ACE: variants seen among roughly 807,000 people sequenced by gnomAD.
ACE encodes the protein angiotensin-converting enzyme.
A neutral mutation model predicts 162.3 loss-of-function variants in ACE; 122 were observed. The observed-to-expected ratio is 0.75, with a 90% CI of 0.65 to 0.87. The LOEUF (loss-of-function observed/expected upper bound fraction) is 0.87. Ranked by LOEUF, ACE falls within the 40% of genes least tolerant of loss-of-function variation. ACE has a pLI of 0.00. For synonymous variants in ACE, 796 were observed against 720.6 expected, an observed-to-expected ratio of 1.10 and a Z score of -1.68; for missense variants, 1,799 against 1,735.1, an observed-to-expected ratio of 1.04 and a Z score of -0.65.
At chr17:63,477,779 C>T (rs1172681230) in intron 1 of ACE, 152 bp from the exon 2 acceptor site, 1 of 907,920 alleles carries the variant, frequency 1.1e-6, no homozygotes, top group Non-Finnish European at 1.7e-6. Flanking sequence ...AGCGCGGCTT[C>T]CGCAAACTAA....
At position 63,485,265 on chromosome 17, in the gene ACE, A is replaced by C; in HGVS notation, c.1951A>C (p.Lys651Gln). ...GGTGACTGATGAGGCTGAGGCCAGC[A>C]AGTTTGTGGAGGAATATGACCGGAC... is the stretch of plus-strand genomic sequence containing the variant. ...DLVTDEAEAS[K>Q]FVEEYDRTSQ... is the part of the protein sequence containing the mutation. The change falls in exon 13 of 25, where the codon AAG becomes CAG. Residue 651 changes from lysine to glutamine, a missense_variant. Lys to Gln is a moderately conservative substitution (Grantham distance 53). Coordinates refer to ENST00000290866, the MANE Select transcript of ACE (RefSeq NM_000789.4). 2 of 1,614,030 alleles carry C rather than the reference A, an allele frequency of 1.2e-6. No homozygotes were observed. Among genetic ancestry groups the C allele is most frequent in the Non-Finnish European group, 1.7e-6 (2 of 1,179,998 alleles).
Position 63,477,142 on chromosome 17 carries a change from G to GCCGCTT in ACE, c.53_54insTCCGCT (p.Pro17_Leu18dup). The GCCGCTT allele has an allele frequency of 7.0e-7, 1 of 1,436,450 alleles. No individual in the cohort carries two copies. Among genetic ancestry groups the GCCGCTT allele is most frequent in the South Asian group, 1.4e-5 (1 of 73,906 alleles). The allele number at this position is 1,436,450 out of a possible 1,614,324, so 89.0% of individuals were successfully genotyped here. A position where few individuals can be genotyped will look rare whatever the true frequency, so the allele number is the denominator to read the frequency against. ...GGGGGCCGGGGCTGCTGCTGCCGCT[G>GCCGCTT]CCGCTGCTGTTGCTGCTGCCGCCGC... On this transcript the variant is annotated inframe_insertion, in exon 1 of 25. Coordinates refer to ENST00000290866, the MANE Select transcript of ACE (RefSeq NM_000789.4).
chr17:63,493,683 G>A, intron 20 of ACE, 24 bp downstream of exon 20: 1 of 1,611,130 alleles, frequency 6.2e-7, no homozygotes, highest in Non-Finnish European at 8.5e-7. Context: ...GGGAGGCCCT[G>A]GTGGGCTGAG....
intron 7 of ACE, 62 bp downstream of exon 7, chr17:63,481,800 G>A: frequency 6.2e-7 from 1 of 1,608,652 alleles, no homozygotes; most frequent in Non-Finnish European, 8.5e-7. Flanking sequence ...GGAAAGGCAG[G>A]CAGCCCAGGC....
chr17:63,481,531 G>T, intron 6 of ACE, 35 bp from the exon 7 acceptor site: 2 of 1,611,636 alleles, frequency 1.2e-6, no homozygotes, highest in South Asian at 2.2e-5. Context: ...GCCAGAGTGG[G>T]CTCCCCCTGA....
rs1477791336 is a variant in ACE, at chr17:63,491,951, T to A, written c.2912+570T>A. 6.6e-6 allele frequency among the ~76,000 whole-genome samples: 1 copy of A among 152,176 alleles called. No individual in the cohort carries two copies. The highest frequency in any genetic ancestry group is 1.5e-5 in the Non-Finnish European group (1 of 68,028). On this transcript the variant is annotated intron_variant, in intron 19 of 24. Transcript: ENST00000290866. The surrounding 1 kb of genome is among the most constrained non-coding windows in gnomAD (Gnocchi z 4.4). Reference sequence around the variant, plus strand: ...AATGGCCTTTCTCTACAGGGCCCCCTCTGTTGGGGGCAGCTCTCACAGCCG... The same window carrying A: ...AATGGCCTTTCTCTACAGGGCCCCCACTGTTGGGGGCAGCTCTCACAGCCG...
In ACE at chr17:63,496,388, C is replaced by T. The variant is rs776754136; in HGVS notation, c.3381-6C>T. 1 of 1,614,176 alleles carries T rather than the reference C, an allele frequency of 6.2e-7. No homozygotes were observed. The highest frequency in any genetic ancestry group is 8.5e-7 in the Non-Finnish European group (1 of 1,180,028). ...CGCCCCGGGCCACGGCCTCGCTCTG[C>T]TCCAGGTACTTTGTCAGCTTCATCA... On this transcript the variant is annotated splice_polypyrimidine_tract_variant and splice_region_variant and intron_variant, in intron 22 of 24. Transcript: ENST00000290866.
rs569824538 is a variant in ACE at position 63,484,126 on chromosome 17, T to C, written c.1709+155T>C. Among the ~76,000 whole-genome samples the C allele has an allele frequency of 6.6e-6, 1 of 152,176 alleles. No individual in the cohort carries two copies. The highest frequency in any genetic ancestry group is 1.9e-4 in the East Asian group (1 of 5,188). On this transcript the variant is annotated intron_variant, in intron 11 of 24. Coordinates refer to ENST00000290866, the MANE Select transcript of ACE (RefSeq NM_000789.4). The surrounding 1 kb of genome is among the most constrained non-coding windows in gnomAD (Gnocchi z 4.0). ...TGTCTCCTCGCTATGTCATCAAATA[T>C]TTATTGAGTGGGCCTTCTGGCTGGC...
At chr17:63,485,812 G>C (rs2029901121) in intron 13 of ACE, 3 of 243,348 alleles carry the variant, frequency 1.2e-5, no homozygotes, top group Non-Finnish European at 1.6e-5. Flanking sequence ...AGATTTTGAT[G>C]AACATTTACT....
At chr17:63,480,588 G>T in intron 5 of ACE, 60 bp downstream of exon 5, 1 of 1,584,454 alleles carries the variant, frequency 6.3e-7, no homozygotes, top group East Asian at 2.2e-5. Flanking sequence ...CGAGGTAGGG[G>T]TGGGGGATGT....
chr17:63,484,598 G>T lies in ACE; in HGVS notation c.1921+57G>T. On this transcript the variant is annotated intron_variant, in intron 12 of 24. Coordinates refer to ENST00000290866, the MANE Select transcript of ACE (RefSeq NM_000789.4). The surrounding 1 kb of genome is among the most constrained non-coding windows in gnomAD (Gnocchi z 4.0). ...AAGGTGGGTCCTCAACTCTGGGCTT[G>T]GCCCAGGCCCCAGGTTCCTGGTCAG... is the stretch of plus-strand genomic sequence containing the variant. 1.3e-6 allele frequency: 2 copies of T among 1,545,016 alleles called. No individual in the cohort carries two copies. Among genetic ancestry groups the T allele is most frequent in the East Asian group, 2.3e-5 (1 of 42,610 alleles).
Position 63,483,567 on chromosome 17 carries a change from G to GCGGGGGGGGGGCCCC in ACE, c.1586+10_1586+11insGGGGGGGGGGCCCCC. 1.3e-6 allele frequency: 2 copies of GCGGGGGGGGGGCCCC among 1,589,508 alleles called. No individual in the cohort carries two copies. The highest frequency in any genetic ancestry group is 1.7e-6 in the Non-Finnish European group (2 of 1,165,632). Reference sequence around the variant, plus strand: ...GTGACACCATACATCAGGTATTAGCGCCCCCACCCCACCCACCCCCAGTAC... The same window carrying GCGGGGGGGGGGCCCC: ...GTGACACCATACATCAGGTATTAGCGCGGGGGGGGGGCCCCCCCCCACCCCACCCACCCCCAGTAC... On this transcript the variant is annotated intron_variant, in intron 10 of 24. Coordinates refer to ENST00000290866, the MANE Select transcript of ACE (RefSeq NM_000789.4).
intron 6 of ACE, among the ~76,000 whole-genome samples, 179 bp downstream of exon 6, chr17:63,481,367 C>T (rs2049706504): frequency 6.6e-6 from 1 of 152,136 alleles, no homozygotes; most frequent in Non-Finnish European, 1.5e-5. Context: ...TCCCTCCAGG[C>T]TCCACAGTGG....
Position 63,497,449 on chromosome 17 carries a change from C to T in ACE, c.*83C>T. 2 of 1,255,026 alleles carry T rather than the reference C, an allele frequency of 1.6e-6. No individual in the cohort carries two copies. Among genetic ancestry groups the T allele is most frequent in the South Asian group, 2.6e-5 (2 of 78,122 alleles). The allele number at this position is 1,255,026 out of a possible 1,614,324, so 77.7% of individuals were successfully genotyped here. On this transcript the variant is annotated 3_prime_UTR_variant, in exon 25 of 25. Transcript: ENST00000290866. ...ACACTGGTGGGCAGCTGAGGACACA[C>T]CCCACACCCCAGCCCACCCTGCTCC...
chr17:63,482,204 G>A (rs533883310), intron 7 of ACE, among the ~76,000 whole-genome samples: 94 of 152,238 alleles, frequency 6.2e-4, no homozygotes, highest in African/African-American at 2.1e-3. Flanking sequence ...AGGAGGCTGA[G>A]GCAGGAGAAT....
intron 22 of ACE, 79 bp downstream of exon 22, chr17:63,494,549 C>A: frequency 7.6e-7 from 1 of 1,313,288 alleles, no homozygotes; most frequent in Non-Finnish European, 1.1e-6. Flanking sequence ...ACTGCCCGGT[C>A]CACAAGCTCT....
At position 63,477,941 on chromosome 17, in the gene ACE, C is replaced by T; in HGVS notation, c.260C>T (p.Ala87Val). The T allele has an allele frequency of 6.2e-7, 1 of 1,610,704 alleles. No homozygotes were observed. Among genetic ancestry groups the T allele is most frequent in the Non-Finnish European group, 8.5e-7 (1 of 1,178,796 alleles). ...AENARRQEEA[A>V]LLSQEFAEAW... ...CCTGGTGCCCAATAGGAGGAAGCAG[C>T]CCTGCTCAGCCAGGAGTTTGCGGAG... Residue 87 changes from alanine to valine, a missense_variant, in exon 2 of 25, where the codon GCC becomes GTC. Physicochemically the swap from Ala to Val is moderately conservative, Grantham distance 64 (BLOSUM62 0). Transcript: ENST00000290866.
rs1356599370 is a variant in ACE, at chr17:63,477,172, C to G, written c.78C>G (p.Pro26=). ...LPLLLLLPPQ[P]ALALDPGLQP... ...TGCTGTTGCTGCTGCCGCCGCAGCC[C>G]GCCCTGGCGTTGGACCCCGGGCTGC... The change falls in exon 1 of 25, where the codon CCC becomes CCG. Residue 26 remains proline (P), a synonymous_variant. Transcript: ENST00000290866. 1 of 1,459,770 alleles carries G rather than the reference C, an allele frequency of 6.9e-7. No homozygotes were observed. Among genetic ancestry groups the G allele is most frequent in the African/African-American group, 1.5e-5 (1 of 67,622 alleles). 90.4% of individuals were successfully genotyped at this position (1,459,770 alleles called of 1,614,324 possible).
At chr17:63,496,249 C>A in intron 22 of ACE, 145 bp from the exon 23 acceptor site, 2 of 1,222,474 alleles carry the variant, frequency 1.6e-6, no homozygotes, top group African/African-American at 1.5e-5. Flanking sequence ...ACCCTGATAG[C>A]TGTGGGCAGA....
Sources: gnomAD v4.1 joint callset for allele counts (sites outside exome capture counted in the v4.1 genomes callset) on GRCh38, gnomAD v4.1.1 for gene constraint, Gnocchi (gnomAD v3.1) non-coding constraint, MANE v1.5 for transcripts, NCBI Gene and HGNC (gene_info 2026-07-23, HGNC 2026-07-21) for gene names.